AGBL4: variants seen among roughly 807,000 people sequenced by gnomAD.
The protein encoded by AGBL4 is cytosolic carboxypeptidase 6.
In AGBL4, 58 loss-of-function variants were observed where a neutral mutation model predicts 66.4. The observed-to-expected ratio is 0.87, with a 90% CI of 0.71 to 1.09. The LOEUF (loss-of-function observed/expected upper bound fraction) is 1.09, where lower values mean the gene tolerates loss of function less well. Among genes scored for constraint, AGBL4 ranks in the 50% least tolerant of loss-of-function variants. The probability of loss-of-function intolerance (pLI) is 0.00; values close to 1 mark genes in which losing one functional copy is unlikely to be tolerated. For missense variants in AGBL4, 579 were observed against 631.0 expected, an observed-to-expected ratio of 0.92 and a Z score of 0.88; for synonymous variants, 234 against 222.9, an observed-to-expected ratio of 1.05 and a Z score of -0.44.
chr1:49,215,590 T>C (rs551813165), intron 4 of AGBL4, among the ~76,000 whole-genome samples: 3 of 152,246 alleles, frequency 2.0e-5, no homozygotes, highest in East Asian at 1.9e-4. Flanking sequence ...CCAGTTTCTG[T>C]ACTCTTTTTC....
intron 6 of AGBL4, among the ~76,000 whole-genome samples, chr1:48,768,961 C>T (rs540797764): frequency 3.3e-5 from 5 of 151,932 alleles, no homozygotes; most frequent in South Asian, 2.1e-4. Flanking sequence ...GCCAAGACTA[C>T]AAAAAAAAGA....
At chr1:49,238,015 G>A (rs574261072) in intron 4 of AGBL4, among the ~76,000 whole-genome samples, 97 of 152,090 alleles carry the variant, frequency 6.4e-4, no homozygotes, top group Non-Finnish European at 1.1e-3. Context: ...GAAAAACATC[G>A]TGCCACTTTA....
At chr1:49,563,854 C>G (rs1345311084) in intron 3 of AGBL4, among the ~76,000 whole-genome samples, 1 of 152,082 alleles carries the variant, frequency 6.6e-6, no homozygotes, top group Non-Finnish European at 1.5e-5. Context: ...CCCTCTTTTT[C>G]TATTGATTGG....
rs567339641 is a variant in AGBL4 at position 49,090,476 on chromosome 1, T to C, written c.378-44676A>G. 2.6e-5 allele frequency among the ~76,000 whole-genome samples: 4 copies of C among 152,110 alleles called. No individual in the cohort carries two copies. The South Asian group carries it at 8.3e-4, about 32-fold the overall frequency. ...GCTGAGAACCAAATCAAGAATGCAATCCCATTCACAATAGCCACAAAAGAA... is the reference window on the plus strand; with the variant it reads ...GCTGAGAACCAAATCAAGAATGCAACCCCATTCACAATAGCCACAAAAGAA... On this transcript the variant is annotated intron_variant, in intron 4 of 13. Transcript: ENST00000371839.
chr1:49,365,783 GAGGGT>G (rs1433232133), intron 3 of AGBL4, among the ~76,000 whole-genome samples: 1 of 152,046 alleles, frequency 6.6e-6, no homozygotes, highest in Non-Finnish European at 1.5e-5. Flanking sequence ...CCAGCACAGA[GAGGGT>G]GCAAGAAAGA....
chr1:48,625,165 CT>C (rs1308236597), intron 9 of AGBL4, among the ~76,000 whole-genome samples: 1 of 150,290 alleles, frequency 6.7e-6, no homozygotes, highest in Non-Finnish European at 1.5e-5. Flanking sequence ...CTCACTCTCT[CT>C]TTCTTTCTTT....
chr1:48,792,046 A>G (rs6688858), intron 6 of AGBL4, among the ~76,000 whole-genome samples: 123,847 of 152,162 alleles, frequency 0.81, 53,334 homozygotes, highest in Non-Finnish European at 0.96. Flanking sequence ...ACTTTATTTG[A>G]AATCAAGGTC....
chr1:49,437,018 C>T (rs1222725478), intron 3 of AGBL4, among the ~76,000 whole-genome samples: 2 of 152,100 alleles, frequency 1.3e-5, no homozygotes, highest in Non-Finnish European at 2.9e-5. Flanking sequence ...AGGCCAAAAG[C>T]CATTAGGTGG....
In AGBL4 at chr1:48,902,919, T is replaced by C. The variant is rs150072821; in HGVS notation, c.595-35689A>G. On this transcript the variant is annotated intron_variant, in intron 5 of 13. Transcript: ENST00000371839. ...TGGCACTTGTGAGGCCTTCTAAGACTTGGCCCCTCTCATCTTCTGCAGTCC... is the reference window on the plus strand; with the variant it reads ...TGGCACTTGTGAGGCCTTCTAAGACCTGGCCCCTCTCATCTTCTGCAGTCC... Among the ~76,000 whole-genome samples the C allele has an allele frequency of 1.5e-3, 225 of 152,292 alleles. 5 individuals are homozygous for C. In the East Asian group the frequency reaches 0.035, roughly 24 times the overall value.
At chr1:48,671,071 G>T (rs773955707) in intron 6 of AGBL4, among the ~76,000 whole-genome samples, 11 of 152,226 alleles carry the variant, frequency 7.2e-5, no homozygotes, top group Admixed American at 5.9e-4. Context: ...ATCAGGGAAG[G>T]TGTAACCCCA....
chr1:49,699,015 T>C (rs1000183087), intron 2 of AGBL4, among the ~76,000 whole-genome samples: 4 of 152,068 alleles, frequency 2.6e-5, no homozygotes, highest in Non-Finnish European at 5.9e-5. Flanking sequence ...GTTTAGTGCT[T>C]GCTTAAGTTC....
chr1:49,940,539 A>T (rs1337012707), intron 1 of AGBL4, among the ~76,000 whole-genome samples: 1 of 152,202 alleles, frequency 6.6e-6, no homozygotes, highest in Non-Finnish European at 1.5e-5. Flanking sequence ...TGATGAGTTC[A>T]TGTCCTTTGT....
intron 5 of AGBL4, among the ~76,000 whole-genome samples, chr1:48,931,893 A>G (rs551913024): frequency 6.6e-6 from 1 of 152,184 alleles, no homozygotes; most frequent in African/African-American, 2.4e-5. Flanking sequence ...GACTGAACGA[A>G]TGTGGTTACC....
chr1:49,058,385 C>T (rs1644343789), intron 4 of AGBL4, among the ~76,000 whole-genome samples: 1 of 152,126 alleles, frequency 6.6e-6, no homozygotes, highest in African/African-American at 2.4e-5. Context: ...TTATAAGGGG[C>T]TTTTCCCTCT....
chr1:49,527,188 G>A (rs555130145), intron 3 of AGBL4: 4 of 151,982 alleles, frequency 2.6e-5, no homozygotes, highest in Non-Finnish European at 5.9e-5. Context: ...TTAAAAGAAG[G>A]TGTATCCAAG....
intron 3 of AGBL4, among the ~76,000 whole-genome samples, chr1:49,669,460 C>A (rs943887905): frequency 5.3e-5 from 8 of 152,104 alleles, no homozygotes; most frequent in Non-Finnish European, 1.0e-4. Context: ...TGTGGGCTAA[C>A]CCACATGACC....
intron 1 of AGBL4, among the ~76,000 whole-genome samples, chr1:49,888,997 T>A (rs1648359583): frequency 6.6e-6 from 1 of 152,196 alleles, no homozygotes. Context: ...GAAGATTCAA[T>A]CAATATATGT....
intron 4 of AGBL4, among the ~76,000 whole-genome samples, chr1:49,079,456 A>G (rs1446250648): frequency 6.6e-6 from 1 of 152,150 alleles, no homozygotes; most frequent in Non-Finnish European, 1.5e-5. Context: ...AGACTGTGTG[A>G]AGGAGGAACA....
At chr1:49,022,061 T>A (rs1435182705) in intron 5 of AGBL4, among the ~76,000 whole-genome samples, 2 of 152,170 alleles carry the variant, frequency 1.3e-5, no homozygotes, top group Admixed American at 6.6e-5. Context: ...TAAATACATA[T>A]GAATATTATT....
Sources: gnomAD v4.1 joint callset for allele counts (sites outside exome capture counted in the v4.1 genomes callset) on GRCh38, gnomAD v4.1.1 for gene constraint, MANE v1.5 for transcripts, NCBI Gene and HGNC (gene_info 2026-07-23, HGNC 2026-07-21) for gene names.